ASAH2B: variants seen among roughly 807,000 people sequenced by gnomAD.
The protein encoded by ASAH2B is putative inactive neutral ceramidase B.
In ASAH2B, 1 loss-of-function variant was observed where a neutral mutation model predicts 2.9. The observed-to-expected ratio is 0.34, with a 90% CI of 0.12 to 1.63. The LOEUF is 1.63. Ranked by LOEUF, ASAH2B falls within the 40% of genes most tolerant of loss-of-function variation. ASAH2B has a pLI of 0.36. For synonymous variants in ASAH2B, 4 were observed against 13.3 expected (o/e 0.30, Z 1.52); for missense variants, 9 against 37.7 (o/e 0.24, Z 1.99).
rs1372265201 is a variant in ASAH2B at position 50,747,070 on chromosome 10, AC to A, written c.144+1797del. Among the ~76,000 whole-genome samples the A allele has an allele frequency of 8.0e-4, 121 of 150,538 alleles. 2 individuals are homozygous for A. The highest frequency in any genetic ancestry group is 2.8e-3 in the African/African-American group (113 of 40,676). On this transcript the variant is annotated intron_variant, in intron 3 of 5. Transcript: ENST00000647317. ...TTAGGGGTCATATTAAAAAAAAAAA[AC>A]AAACATCACCTACACCAACATCATG... is the stretch of plus-strand genomic sequence containing the variant.
intron 5 of ASAH2B, among the ~76,000 whole-genome samples, chr10:50,754,056 G>A (rs1837028379): frequency 7.1e-6 from 1 of 141,080 alleles, no homozygotes; most frequent in Admixed American, 7.0e-5. Flanking sequence ...ATGAAACTTG[G>A]GACCATATCT....
At chr10:50,748,764 G>A (rs560453672) in intron 3 of ASAH2B, among the ~76,000 whole-genome samples, 2 of 150,422 alleles carry the variant, frequency 1.3e-5, no homozygotes, top group Non-Finnish European at 2.9e-5. Context: ...GCCGTGGCCC[G>A]TAAACTGATG....
chr10:50,740,645 T>C (rs549856182), intron 1 of ASAH2B, among the ~76,000 whole-genome samples: 34 of 152,310 alleles, frequency 2.2e-4, no homozygotes, highest in Non-Finnish European at 1.3e-4. Flanking sequence ...ACATCATAGA[T>C]AGACCAAACA....
intron 1 of ASAH2B, among the ~76,000 whole-genome samples, chr10:50,741,600 C>T (rs1216832175): frequency 6.6e-6 from 1 of 152,096 alleles, no homozygotes; most frequent in African/African-American, 2.4e-5. Flanking sequence ...AGAATGTATC[C>T]TATATAGAAG....
intron 5 of ASAH2B, among the ~76,000 whole-genome samples, chr10:50,754,194 C>T (rs1384592628): frequency 6.6e-6 from 1 of 150,598 alleles, no homozygotes; most frequent in Non-Finnish European, 1.5e-5. Context: ...ACAAATGAAT[C>T]TAGATGTGAA....
At chr10:50,747,058 TAA>T (rs200474260) in intron 3 of ASAH2B, among the ~76,000 whole-genome samples, 2 of 142,494 alleles carry the variant, frequency 1.4e-5, no homozygotes. Context: ...GGGGTCATAT[TAA>T]AAAAAAAAAA....
At chr10:50,749,018 A>G (rs1157554979) in intron 3 of ASAH2B, among the ~76,000 whole-genome samples, 1 of 151,622 alleles carries the variant, frequency 6.6e-6, no homozygotes, top group East Asian at 1.9e-4. Flanking sequence ...ATTTGATTCA[A>G]ATATTCCCTG....
Position 50,756,823 on chromosome 10 carries a change from T to C in ASAH2B, c.*2083T>C, listed in dbSNP as rs1259870637. On this transcript the variant is annotated 3_prime_UTR_variant, in exon 6 of 6. Transcript: ENST00000647317. ...AGTTCTTTACCTGTGCATAAAAGAA[T>C]ATCATGAAGTAATTGAACTTATCTG... is the stretch of plus-strand genomic sequence containing the variant. 6.6e-6 allele frequency: 1 copy of C among 151,798 alleles called. No individual in the cohort carries two copies. The highest frequency in any genetic ancestry group is 1.5e-5 in the Non-Finnish European group (1 of 67,780). 9.4% of individuals were successfully genotyped at this position (151,798 alleles called of 1,614,324 possible).
intron 5 of ASAH2B, among the ~76,000 whole-genome samples, chr10:50,754,153 G>GTA (rs1390857008): frequency 6.3e-4 from 90 of 143,276 alleles, no homozygotes; most frequent in Non-Finnish European, 1.0e-3. Flanking sequence ...ATATATATAT[G>GTA]TATACACACA....
chr10:50,741,203 C>G (rs1839825687), intron 1 of ASAH2B, among the ~76,000 whole-genome samples: 1 of 152,312 alleles, frequency 6.6e-6, no homozygotes, highest in South Asian at 2.1e-4. Flanking sequence ...AGGGTGGGGC[C>G]TTTGCCAGGG....
chr10:50,754,250 G>T (rs1837034486), intron 5 of ASAH2B, among the ~76,000 whole-genome samples: 1 of 147,402 alleles, frequency 6.8e-6, no homozygotes, highest in South Asian at 2.1e-4. Context: ...CAATTCTACA[G>T]CAGGAGAGAC....
intron 2 of ASAH2B, 63 bp downstream of exon 2, chr10:50,743,073 T>A (rs1227212181): frequency 6.4e-7 from 1 of 1,552,508 alleles, no homozygotes; most frequent in African/African-American, 1.4e-5. Context: ...TCTGTATGTG[T>A]CTGTGTCTGG....
At chr10:50,742,186 G>A (rs1341364347) in intron 1 of ASAH2B, among the ~76,000 whole-genome samples, 1 of 152,168 alleles carries the variant, frequency 6.6e-6, no homozygotes, top group Non-Finnish European at 1.5e-5. Flanking sequence ...AAATCTATTT[G>A]TACCTTAGGA....
intron 3 of ASAH2B, among the ~76,000 whole-genome samples, chr10:50,748,158 TTC>T (rs1424868945): frequency 1.4e-5 from 2 of 140,672 alleles, no homozygotes; most frequent in Non-Finnish European, 3.1e-5. Context: ...TCTAGGAATT[TTC>T]TCATTTCATA....
intron 2 of ASAH2B, among the ~76,000 whole-genome samples, chr10:50,744,223 G>A (rs1302863667): frequency 6.6e-6 from 1 of 151,274 alleles, no homozygotes; most frequent in Non-Finnish European, 1.5e-5. Flanking sequence ...ATGCTCATAG[G>A]TCTATAGTTC....
intron 3 of ASAH2B, among the ~76,000 whole-genome samples, chr10:50,747,762 ATCCTTTTTAGATG>A (rs1363776456): frequency 6.6e-6 from 1 of 151,804 alleles, no homozygotes; most frequent in African/African-American, 2.4e-5. Context: ...ATGGTGTATA[ATCCTTTTTAGATG>A]TTGCTGAATT....
intron 2 of ASAH2B, among the ~76,000 whole-genome samples, chr10:50,743,262 A>G (rs1245229505): frequency 2.0e-5 from 3 of 151,678 alleles, no homozygotes; most frequent in Non-Finnish European, 2.9e-5. Context: ...TTTTCTCACT[A>G]TTTTTACAAC....
intron 1 of ASAH2B, among the ~76,000 whole-genome samples, chr10:50,741,961 T>G (rs1024642598): frequency 2.0e-5 from 3 of 152,168 alleles, no homozygotes; most frequent in Non-Finnish European, 2.9e-5. Context: ...GACATGGACA[T>G]GCACACTTGA....
chr10:50,756,875 G>C lies in ASAH2B; in HGVS notation c.*2135G>C, dbSNP rs1398706. 6.6e-6 allele frequency: 1 copy of C among 151,590 alleles called. No homozygotes were observed. The highest frequency in any genetic ancestry group is 1.5e-5 in the Non-Finnish European group (1 of 67,740). 9.4% of individuals were successfully genotyped at this position (151,590 alleles called of 1,614,324 possible). A position where few individuals can be genotyped will look rare whatever the true frequency, so the allele number is the denominator to read the frequency against. ...TGATATAAAAACACAGATCCAATTCGTGTCTGTGGATGCTGCAAGGACTGG... is the reference window on the plus strand; with the variant it reads ...TGATATAAAAACACAGATCCAATTCCTGTCTGTGGATGCTGCAAGGACTGG... On this transcript the variant is annotated 3_prime_UTR_variant, in exon 6 of 6. Transcript: ENST00000647317.
Sources: allele counts gnomAD v4.1 joint callset (sites outside exome capture counted in the v4.1 genomes callset), GRCh38; gene constraint gnomAD v4.1.1; transcripts MANE v1.5; gene names NCBI Gene and HGNC (gene_info 2026-07-23, HGNC 2026-07-21).